The following MACF1 variants were observed in gnomAD, a reference collection of about 807,000 sequenced individuals.
MACF1 encodes the protein microtubule-actin cross-linking factor 1.
MACF1 carries 193 observed loss-of-function variants against 854.8 expected under a neutral mutation model. That is an observed-to-expected ratio of 0.23 (90% CI 0.20 to 0.25). The LOEUF is 0.25. Among genes scored for constraint, MACF1 ranks in the 10% least tolerant of loss-of-function variants. The pLI is 1.00. For missense variants in MACF1, 7,722 were observed against 8,929.1 expected (o/e 0.86, Z 5.45); for synonymous variants, 3,185 against 3,226.7 (o/e 0.99, Z 0.44).
intron 2 of MACF1, among the ~76,000 whole-genome samples, chr1:39,157,828 C>G (rs573384006): frequency 6.6e-6 from 1 of 152,056 alleles, no homozygotes; most frequent in South Asian, 2.1e-4. Context: ...ATCCTCAGCT[C>G]CCCAAGTAGC....
At position 39,322,906 on chromosome 1, in the gene MACF1, A is replaced by G; in HGVS notation, c.4138-4A>G. On this transcript the variant is annotated splice_region_variant and splice_polypyrimidine_tract_variant and intron_variant, in intron 32 of 100. Coordinates refer to ENST00000564288, the MANE Select transcript of MACF1 (RefSeq NM_001394062.1). ...TTTATTTAAATTGTTCTTTTGAACC[A>G]CAGTTCATGGACTTAAGGACTCGCT... 6.2e-7 allele frequency: 1 copy of G among 1,612,154 alleles called. No individual in the cohort carries two copies. Among genetic ancestry groups the G allele is most frequent in the Non-Finnish European group, 8.5e-7 (1 of 1,178,200 alleles).
chr1:39,093,776 G>T (rs1398155060), intron 2 of MACF1, among the ~76,000 whole-genome samples: 1 of 150,998 alleles, frequency 6.6e-6, no homozygotes, highest in Non-Finnish European at 1.5e-5. Context: ...GAGCCATCAC[G>T]CCCGGCCAAG....
At chr1:39,386,658 T>C (rs1641804857) in intron 57 of MACF1, among the ~76,000 whole-genome samples, 1 of 152,206 alleles carries the variant, frequency 6.6e-6, no homozygotes, top group African/African-American at 2.4e-5. Flanking sequence ...TCTCGAACTC[T>C]TGACCTCGTG....
chr1:39,434,734 C>G, intron 69 of MACF1, 102 bp downstream of exon 69: 2 of 930,962 alleles, frequency 2.1e-6, no homozygotes, highest in East Asian at 5.3e-5. Context: ...TTCTGTGTTA[C>G]GAAGTTAATT....
chr1:39,319,703 G>A lies in MACF1; in HGVS notation c.3985G>A (p.Asp1329Asn). The change falls in exon 31 of 101, where the codon GAT (aspartate) becomes AAT (asparagine). Residue 1329 changes from aspartate to asparagine, a missense_variant. Physicochemically the swap from Asp to Asn is conservative, Grantham distance 23. Transcript: ENST00000564288. The stretch of plus-strand genomic sequence containing the variant: ...AATTGAGAGAAATCAGACAAAACTG[G>A]ATCAATGTCAAAAATTTTCCCAGCA... ...AEIERNQTKL[D>N]QCQKFSQQYS... The A allele has an allele frequency of 6.2e-7, 1 of 1,613,562 alleles. No homozygotes were observed. The highest frequency in any genetic ancestry group is 8.5e-7 in the Non-Finnish European group (1 of 1,179,798).
chr1:39,331,280 C>T lies in MACF1; in HGVS notation c.4692C>T (p.Gly1564=), dbSNP rs1557591430. Residue 1564 remains glycine, a synonymous_variant, in exon 37 of 101, where the codon GGC becomes GGT. Coordinates refer to ENST00000564288, the MANE Select transcript of MACF1 (RefSeq NM_001394062.1). ...CCATCTTCAAAGCCATGCAAAAGGGCCTCCTTGACCAAGACACAGGCCTAG... is the reference window on the plus strand; with the variant it reads ...CCATCTTCAAAGCCATGCAAAAGGGTCTCCTTGACCAAGACACAGGCCTAG... ...IFPIFKAMQK[G]LLDQDTGLVL... is the part of the protein sequence containing the mutation. 6.2e-7 allele frequency: 1 copy of T among 1,611,600 alleles called. No individual in the cohort carries two copies. Among genetic ancestry groups the T allele is most frequent in the Non-Finnish European group, 8.5e-7 (1 of 1,179,722 alleles).
Position 39,337,218 on chromosome 1 carries a change from GA to G in MACF1, c.10106del (p.Lys3369SerfsTer2). The G allele has an allele frequency of 6.2e-7, 1 of 1,613,828 alleles. No homozygotes were observed. The highest frequency in any genetic ancestry group is 8.5e-7 in the Non-Finnish European group (1 of 1,179,864). On this transcript the variant is annotated frameshift_variant, in exon 38 of 101. Transcript: ENST00000564288. LOFTEE classifies it high-confidence loss of function. ...CCGGCAACTCTGTTTAGAACATGATGAAAAGCTAGTATCCTATCTGTCTCTG... is the reference window on the plus strand; with the variant it reads ...CCGGCAACTCTGTTTAGAACATGATGAAAGCTAGTATCCTATCTGTCTCTG... ...FTRQLCLEHD[E>X]KLVSYLSLLR...
intron 58 of MACF1, among the ~76,000 whole-genome samples, chr1:39,395,370 A>G (rs1263345493): frequency 6.6e-6 from 1 of 152,238 alleles, no homozygotes; most frequent in Non-Finnish European, 1.5e-5. Context: ...GCCTTCTGAT[A>G]ATCTGATTAT....
Position 39,458,366 on chromosome 1 carries a change from A to G in MACF1, c.21076-4A>G, listed in dbSNP as rs1306527946. On this transcript the variant is annotated splice_region_variant and splice_polypyrimidine_tract_variant and intron_variant, in intron 89 of 100. Transcript: ENST00000564288. ...CTCTTTTTCCTATTTTTTGTGTTTA[A>G]CAGACATTTATGGAGGAGATGACTC... 1 of 1,611,006 alleles carries G rather than the reference A, an allele frequency of 6.2e-7. No individual in the cohort carries two copies. Among genetic ancestry groups the G allele is most frequent in the African/African-American group, 1.3e-5 (1 of 74,632 alleles).
At chr1:39,369,286 G>T (rs1011036102) in intron 50 of MACF1, among the ~76,000 whole-genome samples, 1 of 152,152 alleles carries the variant, frequency 6.6e-6, no homozygotes, top group African/African-American at 2.4e-5. Flanking sequence ...GCCTCACATA[G>T]ATTTAAGAGC....
At chr1:39,363,608 T>TTTCTTTC (rs1557610954) in intron 49 of MACF1, among the ~76,000 whole-genome samples, 3 of 71,292 alleles carry the variant, frequency 4.2e-5, no homozygotes, top group Non-Finnish European at 5.2e-5. Flanking sequence ...TTCTTTCTTT[T>TTTCTTTC]TTTTTTTTTT....
At chr1:39,313,857 C>T (rs777606748) in intron 26 of MACF1, among the ~76,000 whole-genome samples, 4 of 152,086 alleles carry the variant, frequency 2.6e-5, no homozygotes, top group Admixed American at 6.6e-5. Flanking sequence ...TCCAGCAGTC[C>T]TCCTGCCTCA....
At chr1:39,347,482 C>T (rs1647079891) in intron 41 of MACF1, among the ~76,000 whole-genome samples, 1 of 152,118 alleles carries the variant, frequency 6.6e-6, no homozygotes, top group South Asian at 2.1e-4. Flanking sequence ...GAGACTTTTC[C>T]TTCGCTGTAT....
intron 1 of MACF1, among the ~76,000 whole-genome samples, chr1:39,224,592 A>G (rs983981189): frequency 3.3e-5 from 5 of 152,164 alleles, no homozygotes; most frequent in African/African-American, 1.2e-4. Flanking sequence ...TAGAATAAAT[A>G]GGAGGTGGGG....
chr1:39,382,348 A>T (rs1650298342), intron 56 of MACF1, among the ~76,000 whole-genome samples, 196 bp downstream of exon 56: 1 of 152,096 alleles, frequency 6.6e-6, no homozygotes, highest in Non-Finnish European at 1.5e-5. Context: ...ATTATTATTA[A>T]TAGAGACAGT....
intron 56 of MACF1, among the ~76,000 whole-genome samples, chr1:39,382,627 C>G (rs1650332529): frequency 1.3e-5 from 2 of 150,834 alleles, no homozygotes; most frequent in African/African-American, 4.9e-5. Context: ...TCATTTGAAC[C>G]CAGGAGGCTG....
chr1:39,431,968 C>T (rs1643882387), intron 66 of MACF1, among the ~76,000 whole-genome samples: 1 of 152,282 alleles, frequency 6.6e-6, no homozygotes, highest in South Asian at 2.1e-4. Context: ...AGAATCAGAC[C>T]CTGTCTCTGA....
At chr1:39,085,570 G>A (rs260970) in intron 2 of MACF1, among the ~76,000 whole-genome samples, 123,261 of 152,122 alleles carry the variant, frequency 0.81, 50,007 homozygotes, top group South Asian at 0.86. Flanking sequence ...CATCCTCCAC[G>A]TGACTAATAG....
intron 2 of MACF1, among the ~76,000 whole-genome samples, chr1:39,177,624 T>C (rs1644048386): frequency 6.6e-6 from 1 of 152,104 alleles, no homozygotes; most frequent in African/African-American, 2.4e-5. Flanking sequence ...TTTGTGTTCA[T>C]AGAGGAAGGT....
Sources: allele counts gnomAD v4.1 joint callset (sites outside exome capture counted in the v4.1 genomes callset), GRCh38; gene constraint gnomAD v4.1.1; transcripts MANE v1.5; gene names NCBI Gene and HGNC (gene_info 2026-07-23, HGNC 2026-07-21).